NTN1: variants seen among roughly 807,000 people sequenced by gnomAD.
NTN1 encodes the protein netrin-1.
Under a neutral mutation model 54.2 loss-of-function variants are expected in NTN1, and 11 were observed. The ratio of observed to expected loss-of-function variants is 0.20; its 90% CI spans 0.13 to 0.34. NTN1 has a LOEUF of 0.34. Among genes scored for constraint, NTN1 ranks in the 10% least tolerant of loss-of-function variants. The pLI is 1.00. For missense variants in NTN1, 740 were observed against 893.1 expected, an observed-to-expected ratio of 0.83 and a Z score of 2.18; for synonymous variants, 371 against 382.0, an observed-to-expected ratio of 0.97 and a Z score of 0.33.
intron 2 of NTN1, among the ~76,000 whole-genome samples, chr17:9,081,411 C>T (rs1476387463): frequency 6.6e-6 from 1 of 152,166 alleles, no homozygotes; most frequent in Non-Finnish European, 1.5e-5. Context: ...CAACCAGTCA[C>T]CTAATCTTGT....
At chr17:9,235,685 C>T (rs1905960970) in intron 6 of NTN1, among the ~76,000 whole-genome samples, 3 of 151,796 alleles carry the variant, frequency 2.0e-5, no homozygotes, top group Admixed American at 1.3e-4. Flanking sequence ...CTTGCTGTGT[C>T]CTCACACAGT....
Position 9,221,286 on chromosome 17 carries a change from C to CG in NTN1, c.1486+45dup. 1 of 1,498,560 alleles carries CG rather than the reference C, an allele frequency of 6.7e-7. No homozygotes were observed. The highest frequency in any genetic ancestry group is 9.3e-7 in the Non-Finnish European group (1 of 1,075,256). 92.8% of individuals were successfully genotyped at this position (1,498,560 alleles called of 1,614,324 possible). A position where few individuals can be genotyped will look rare whatever the true frequency, so the allele number is the denominator to read the frequency against. The stretch of plus-strand genomic sequence containing the variant: ...GTCTGGGGAGGATGGGAGGGGGCCA[C>CG]GTGACCAGCGAGGTGCTGGGGCTGG... On this transcript the variant is annotated intron_variant, in intron 6 of 6. Coordinates refer to ENST00000173229, the MANE Select transcript of NTN1 (RefSeq NM_004822.3). The surrounding 1 kb of genome is among the most constrained non-coding windows in gnomAD (Gnocchi z 4.5).
chr17:9,187,688 A>G (rs567417660), intron 5 of NTN1, among the ~76,000 whole-genome samples: 1 of 146,240 alleles, frequency 6.8e-6, no homozygotes, highest in Admixed American at 6.9e-5. Context: ...AACATTAGCC[A>G]GGCATGGTGA....
At chr17:9,155,597 T>G (rs2092339529) in intron 2 of NTN1, among the ~76,000 whole-genome samples, 1 of 151,844 alleles carries the variant, frequency 6.6e-6, no homozygotes, top group Non-Finnish European at 1.5e-5. Flanking sequence ...CGTCTCGGCC[T>G]CCCAAAGTGC....
At chr17:9,163,147 GACACACACACACACACACACACAC>G in intron 3 of NTN1, 146 bp downstream of exon 3, 2 of 523,580 alleles carry the variant, frequency 3.8e-6, no homozygotes, top group South Asian at 2.9e-5. Context: ...CTCTCTCTGT[GACACACACACACACACACACACAC>G]ACACACACAC....
rs578109389 is a variant in NTN1, at chr17:9,188,999, AAC to A, written c.1411+6035_1411+6036del. Among the ~76,000 whole-genome samples, 493 of 152,358 alleles carry A rather than the reference AAC, an allele frequency of 3.2e-3. 2 individuals are homozygous for A. Among genetic ancestry groups the A allele is most frequent in the African/African-American group, 0.011 (470 of 41,574 alleles). On this transcript the variant is annotated intron_variant, in intron 5 of 6. Transcript: ENST00000173229. ...TAGATAAATGACCAGTGAAGTCATT[AAC>A]ACACCATCAGATTACTGTTATCCCG...
the NTN1 span, among the ~76,000 whole-genome samples, chr17:9,006,455 A>G: frequency 2.0e-5 from 3 of 152,152 alleles, no homozygotes; most frequent in African/African-American, 7.2e-5. Context: ...GAGGACACCC[A>G]GTGCAGGGAG....
In NTN1 at chr17:9,135,708, C is replaced by T. The variant is rs983960154; in HGVS notation, c.1019-27105C>T. 1.3e-5 allele frequency among the ~76,000 whole-genome samples: 2 copies of T among 152,186 alleles called. No homozygotes were observed. The highest frequency in any genetic ancestry group is 4.8e-5 in the African/African-American group (2 of 41,442). Reference sequence around the variant, plus strand: ...GTTGTCTCATCTCCAGGTTGAGGTTCTAGGGCTCCCTGGAGTAGGCCTGGT... The same window carrying T: ...GTTGTCTCATCTCCAGGTTGAGGTTTTAGGGCTCCCTGGAGTAGGCCTGGT... On this transcript the variant is annotated intron_variant, in intron 2 of 6. Transcript: ENST00000173229. The surrounding 1 kb of genome is among the most constrained non-coding windows in gnomAD (Gnocchi z 4.4).
intron 2 of NTN1, among the ~76,000 whole-genome samples, chr17:9,137,630 T>A (rs897668484): frequency 4.6e-5 from 7 of 152,064 alleles, no homozygotes; most frequent in Admixed American, 4.6e-4. Flanking sequence ...CTGTCTCTAC[T>A]AAAAATACAA....
chr17:9,164,637 C>T (rs963359651), intron 3 of NTN1, among the ~76,000 whole-genome samples: 33 of 152,194 alleles, frequency 2.2e-4, no homozygotes, highest in Non-Finnish European at 1.5e-5. Context: ...CAATCTGTCT[C>T]TTCCAGGAGA....
intron 6 of NTN1, among the ~76,000 whole-genome samples, chr17:9,230,974 GT>G (rs1353259512): frequency 6.6e-6 from 1 of 152,138 alleles, no homozygotes; most frequent in Non-Finnish European, 1.5e-5. Flanking sequence ...CAGAGTAGGG[GT>G]GGGGTGGGGA....
chr17:9,013,216 C>CTTTTTTTTTTTTT, the NTN1 span, among the ~76,000 whole-genome samples: 1 of 118,724 alleles, frequency 8.4e-6, no homozygotes, highest in African/African-American at 3.2e-5. Flanking sequence ...TTTTCTTTTT[C>CTTTTTTTTTTTTT]TTTTTTTTTT....
chr17:9,139,830 A>T (rs2092292130), intron 2 of NTN1, among the ~76,000 whole-genome samples: 1 of 152,022 alleles, frequency 6.6e-6, no homozygotes, highest in South Asian at 2.1e-4. Flanking sequence ...TCCTTCCATC[A>T]TCTGTTCATC....
Position 9,201,963 on chromosome 17 carries a change from G to A in NTN1, c.1411+18994G>A, listed in dbSNP as rs541864355. Reference sequence around the variant, plus strand: ...AGCACTTTGGGAGGCCAAGGCGGGCGAATCACAAGGCCAGAAGTTCAAGAG... The same window carrying A: ...AGCACTTTGGGAGGCCAAGGCGGGCAAATCACAAGGCCAGAAGTTCAAGAG... On this transcript the variant is annotated intron_variant, in intron 5 of 6. Coordinates refer to ENST00000173229, the MANE Select transcript of NTN1 (RefSeq NM_004822.3). Among the ~76,000 whole-genome samples the A allele has an allele frequency of 5.4e-4, 75 of 138,140 alleles. No homozygotes were observed. The Middle Eastern group carries it at 0.012, about 21-fold the overall frequency. The allele number at this position is 138,140 out of a possible 152,430, so 90.6% of individuals were successfully genotyped here.
intron 4 of NTN1, among the ~76,000 whole-genome samples, chr17:9,182,017 G>T (rs2092420092): frequency 6.6e-6 from 1 of 152,148 alleles, no homozygotes; most frequent in Non-Finnish European, 1.5e-5. Context: ...TTGCTCTGTT[G>T]CCCAGGCTGG....
chr17:9,188,142 A>T (rs1444114912), intron 5 of NTN1, among the ~76,000 whole-genome samples: 8 of 152,096 alleles, frequency 5.3e-5, no homozygotes, highest in Non-Finnish European at 1.2e-4. Context: ...AAAAATGCTA[A>T]ATCTGGCTGG....
chr17:9,139,827 A>T (rs2142278943), intron 2 of NTN1, among the ~76,000 whole-genome samples: 1 of 152,188 alleles, frequency 6.6e-6, no homozygotes, highest in South Asian at 2.1e-4. Flanking sequence ...CCATCCTTCC[A>T]TCATCTGTTC....
At chr17:9,035,732 T>C (rs1208161824) in intron 2 of NTN1, among the ~76,000 whole-genome samples, 2 of 152,038 alleles carry the variant, frequency 1.3e-5, no homozygotes, top group African/African-American at 2.4e-5. Flanking sequence ...AAAAAATTAT[T>C]TGTAGAGGGT....
intron 2 of NTN1, among the ~76,000 whole-genome samples, chr17:9,147,913 A>G (rs1389134642): frequency 6.6e-6 from 1 of 152,220 alleles, no homozygotes; most frequent in Admixed American, 6.5e-5. Flanking sequence ...CATTTTCACC[A>G]CAAAGCATAT....
Sources: allele counts gnomAD v4.1 joint callset (sites outside exome capture counted in the v4.1 genomes callset), GRCh38; gene constraint gnomAD v4.1.1; non-coding constraint Gnocchi (gnomAD v3.1); transcripts MANE v1.5; gene names NCBI Gene and HGNC (gene_info 2026-07-23, HGNC 2026-07-21).